The following HPSE2 variants were observed in gnomAD, a reference collection of about 807,000 sequenced individuals.
HPSE2 encodes inactive heparanase-2.
A neutral mutation model predicts 60.5 loss-of-function variants in HPSE2; 38 were observed. The ratio of observed to expected loss-of-function variants is 0.63; its 90% confidence interval spans 0.48 to 0.82. The LOEUF (loss-of-function observed/expected upper bound fraction) is 0.82, where lower values mean the gene tolerates loss of function less well. Among genes scored for constraint, HPSE2 ranks in the 40% least tolerant of loss-of-function variants. HPSE2 has a pLI of 0.00. For synonymous variants in HPSE2, 295 were observed against 293.2 expected, an observed-to-expected ratio of 1.01 and a Z score of -0.06; for missense variants, 713 against 740.4, an observed-to-expected ratio of 0.96 and a Z score of 0.43.
chr10:99,266,273 C>G, the HPSE2 span, among the ~76,000 whole-genome samples: 1 of 152,160 alleles, frequency 6.6e-6, no homozygotes, highest in Non-Finnish European at 1.5e-5. Context: ...CCCTGCTTAC[C>G]TGCTGCCTGG....
intron 3 of HPSE2, among the ~76,000 whole-genome samples, chr10:98,872,695 C>G (rs199978119): frequency 6.6e-6 from 1 of 152,234 alleles, no homozygotes; most frequent in South Asian, 2.1e-4. Flanking sequence ...CAATTCACCT[C>G]TGTCTCTTGC....
intron 3 of HPSE2, among the ~76,000 whole-genome samples, chr10:98,869,079 G>A (rs908566583): frequency 1.3e-5 from 2 of 151,856 alleles, no homozygotes; most frequent in East Asian, 1.9e-4. Context: ...GTGTGTTTTC[G>A]AGTCATCTAT....
At chr10:99,100,091 T>A (rs1010480418) in intron 3 of HPSE2, among the ~76,000 whole-genome samples, 1 of 152,180 alleles carries the variant, frequency 6.6e-6, no homozygotes, top group Non-Finnish European at 1.5e-5. Context: ...GCACCTCTAC[T>A]CCTCCAAAGG....
At chr10:98,919,278 G>A (rs1187869914) in intron 3 of HPSE2, among the ~76,000 whole-genome samples, 2 of 152,160 alleles carry the variant, frequency 1.3e-5, no homozygotes, top group South Asian at 2.1e-4. Context: ...CACTGGACTA[G>A]AAAGCATGAA....
At chr10:98,629,689 C>CA (rs1345301801) in intron 7 of HPSE2, among the ~76,000 whole-genome samples, 4 of 152,154 alleles carry the variant, frequency 2.6e-5, no homozygotes, top group African/African-American at 9.7e-5. Flanking sequence ...CTTGACAAAT[C>CA]CCTCTTCAGC....
At chr10:98,461,952 G>A in intron 11 of HPSE2, 1 of 731,286 alleles carries the variant, frequency 1.4e-6, no homozygotes. Context: ...GAACCAGGAA[G>A]CATGGTGAAG....
chr10:98,565,737 T>C (rs1254743825), intron 9 of HPSE2, among the ~76,000 whole-genome samples: 1 of 152,188 alleles, frequency 6.6e-6, no homozygotes, highest in Non-Finnish European at 1.5e-5. Context: ...CTAGAAAAAC[T>C]TGGAAGAATT....
At chr10:98,628,303 A>T (rs1414978509) in intron 7 of HPSE2, among the ~76,000 whole-genome samples, 2 of 152,128 alleles carry the variant, frequency 1.3e-5, no homozygotes, top group Non-Finnish European at 2.9e-5. Flanking sequence ...GCAGAAGAGG[A>T]GAGAAAAAAA....
In HPSE2 at chr10:98,721,962, T is replaced by C. The variant is rs941034234; in HGVS notation, c.785-134A>G. 6.4e-5 allele frequency: 51 copies of C among 797,812 alleles called. No homozygotes were observed. In the Middle Eastern group the frequency reaches 1.1e-3, roughly 17 times the overall value. The allele number at this position is 797,812 out of a possible 1,614,324, so 49.4% of individuals were successfully genotyped here. On this transcript the variant is annotated intron_variant, in intron 4 of 11. Transcript: ENST00000370552. ...ACAATAAAAAAGTGGGTGTGAATTATTTTAACTTAAAGAACCACCCAAACA... is the reference window on the plus strand; with the variant it reads ...ACAATAAAAAAGTGGGTGTGAATTACTTTAACTTAAAGAACCACCCAAACA...
At chr10:98,577,610 C>T (rs1405496808) in intron 9 of HPSE2, among the ~76,000 whole-genome samples, 1 of 152,194 alleles carries the variant, frequency 6.6e-6, no homozygotes, top group African/African-American at 2.4e-5. Context: ...AGGTATTTTT[C>T]TCTCTCTTAC....
At chr10:99,127,477 T>C (rs971594728) in intron 3 of HPSE2, among the ~76,000 whole-genome samples, 2 of 152,132 alleles carry the variant, frequency 1.3e-5, no homozygotes, top group Non-Finnish European at 2.9e-5. Context: ...TGAACAAAGC[T>C]TCCAAGAAAT....
At chr10:98,744,354 C>T (rs1310766020) in intron 3 of HPSE2, among the ~76,000 whole-genome samples, 1 of 151,908 alleles carries the variant, frequency 6.6e-6, no homozygotes, top group African/African-American at 2.4e-5. Context: ...CTGGAGAAAC[C>T]CCATCTCTAC....
At chr10:98,793,957 G>C (rs2152654) in intron 3 of HPSE2, among the ~76,000 whole-genome samples, 9,757 of 152,220 alleles carry the variant, frequency 0.064, 1,012 homozygotes, top group African/African-American at 0.22. Context: ...AGTTGGAGCT[G>C]CTAGATCATG....
chr10:99,234,946 T>A (rs924149935), intron 1 of HPSE2, among the ~76,000 whole-genome samples: 2 of 152,086 alleles, frequency 1.3e-5, no homozygotes, highest in Non-Finnish European at 2.9e-5. Flanking sequence ...AATAAAAAAT[T>A]TTAACTCCGA....
At chr10:99,021,767 C>T (rs1957268001) in intron 3 of HPSE2, among the ~76,000 whole-genome samples, 2 of 151,222 alleles carry the variant, frequency 1.3e-5, no homozygotes, top group African/African-American at 4.9e-5. Context: ...GCAGACATCA[C>T]CTCCTCACAC....
At chr10:99,238,933 G>A (rs937337358), upstream of HPSE2, among the ~76,000 whole-genome samples, 2 of 152,116 alleles carry the variant, frequency 1.3e-5, no homozygotes, top group African/African-American at 2.4e-5. Context: ...GCCAAGGCAG[G>A]CGGATCACCT....
intron 3 of HPSE2, among the ~76,000 whole-genome samples, chr10:99,045,005 C>A (rs1957823597): frequency 6.6e-6 from 1 of 152,062 alleles, no homozygotes; most frequent in Admixed American, 6.6e-5. Context: ...CAACACTTAA[C>A]CAATTAGACC....
the HPSE2 span, among the ~76,000 whole-genome samples, chr10:99,251,909 C>T: frequency 6.8e-6 from 1 of 146,154 alleles, no homozygotes; most frequent in Admixed American, 6.9e-5. Context: ...TATGGTGGCA[C>T]GTGCCTGTAG....
At chr10:98,794,964 A>AGGGAG (rs966522231) in intron 3 of HPSE2, among the ~76,000 whole-genome samples, 3 of 127,134 alleles carry the variant, frequency 2.4e-5, no homozygotes, top group Admixed American at 8.5e-5. Context: ...ACCATAGCCA[A>AGGGAG]GGGAGGGGAG....
Sources: allele counts gnomAD v4.1 joint callset (sites outside exome capture counted in the v4.1 genomes callset), GRCh38; gene constraint gnomAD v4.1.1; transcripts MANE v1.5; gene names NCBI Gene and HGNC (gene_info 2026-07-23, HGNC 2026-07-21).